ERGIC1: variants seen among roughly 807,000 people sequenced by gnomAD.
ERGIC1 encodes the protein endoplasmic reticulum-golgi intermediate compartment 1, also known as endoplasmic reticulum-Golgi intermediate compartment protein 1.
ERGIC1 carries 19 observed loss-of-function variants against 38.3 expected under a neutral mutation model. The observed-to-expected ratio is 0.50, with a 90% confidence interval of 0.35 to 0.73. The LOEUF is 0.73. ERGIC1 is among the 30% of genes least tolerant of loss of function. The pLI is 0.01. For synonymous variants in ERGIC1, 124 were observed against 157.6 expected (o/e 0.79, Z 1.60); for missense variants, 294 against 389.2 (o/e 0.76, Z 2.06).
intron 2 of ERGIC1, among the ~76,000 whole-genome samples, chr5:172,892,859 G>A (rs895613288): frequency 5.3e-5 from 8 of 152,198 alleles, no homozygotes; most frequent in Admixed American, 5.2e-4. Flanking sequence ...TGGGGTAAGG[G>A]TAACACACGC....
intron 1 of ERGIC1, among the ~76,000 whole-genome samples, chr5:172,854,030 G>A (rs775591818): frequency 7.9e-5 from 12 of 152,184 alleles, no homozygotes; most frequent in Non-Finnish European, 4.4e-5. Context: ...CATCTCCTTC[G>A]AAGTGGGAGT....
intron 9 of ERGIC1, among the ~76,000 whole-genome samples, chr5:172,940,240 T>C (rs973418782): frequency 6.6e-5 from 10 of 152,190 alleles, no homozygotes; most frequent in African/African-American, 1.7e-4. Flanking sequence ...TGTTTATCCC[T>C]AGCCTACAAC....
chr5:172,843,739 G>C (rs1268961964), intron 1 of ERGIC1, among the ~76,000 whole-genome samples: 1 of 152,220 alleles, frequency 6.6e-6, no homozygotes, highest in Non-Finnish European at 1.5e-5. Flanking sequence ...CCTTGGAACT[G>C]ACCCTCACAT....
intron 1 of ERGIC1, among the ~76,000 whole-genome samples, chr5:172,856,984 G>T (rs902689494): frequency 3.3e-5 from 5 of 152,202 alleles, no homozygotes; most frequent in African/African-American, 1.2e-4. Flanking sequence ...CAAGGGTTGG[G>T]GCCCCTGGAA....
intron 1 of ERGIC1, among the ~76,000 whole-genome samples, chr5:172,853,311 G>A (rs1761459080): frequency 6.6e-6 from 1 of 152,166 alleles, no homozygotes; most frequent in South Asian, 2.1e-4. Flanking sequence ...CCCCCATCGT[G>A]CTGGGTGCTG....
intron 1 of ERGIC1, among the ~76,000 whole-genome samples, chr5:172,851,644 C>T (rs535238097): frequency 6.6e-6 from 1 of 152,140 alleles, no homozygotes; most frequent in Admixed American, 6.5e-5. Context: ...GATCAGGTTG[C>T]AGGCCTAGAC....
rs143069320 is a variant in ERGIC1 at position 172,836,446 on chromosome 5, T to C, written c.20+2013T>C. On this transcript the variant is annotated intron_variant, in intron 1 of 9. Transcript: ENST00000393784. Reference sequence around the variant, plus strand: ...GGCCCAGCTTAACTAGGAAATACTCTCAGGGCTTGGGCTCACTGCGGAATG... The same window carrying C: ...GGCCCAGCTTAACTAGGAAATACTCCCAGGGCTTGGGCTCACTGCGGAATG... Among the ~76,000 whole-genome samples, 1,151 of 152,256 alleles carry C rather than the reference T, an allele frequency of 7.6e-3. 11 individuals carry two copies. Among genetic ancestry groups the C allele is most frequent in the African/African-American group, 0.026 (1,064 of 41,542 alleles).
At chr5:172,897,974 G>A in intron 3 of ERGIC1, 1 of 413,238 alleles carries the variant, frequency 2.4e-6, no homozygotes, top group Non-Finnish European at 4.4e-6. Context: ...AATGCCATTA[G>A]GATTATGCAG....
In ERGIC1 at chr5:172,926,580, C is replaced by T. The variant is rs1237217515; in HGVS notation, c.541+11C>T. ...GACTCACCTCCAACCGTATGTATCCCTGCTGGGAACAGCCTTCTGCTCCAA... is the reference window on the plus strand; with the variant it reads ...GACTCACCTCCAACCGTATGTATCCTTGCTGGGAACAGCCTTCTGCTCCAA... On this transcript the variant is annotated intron_variant, in intron 7 of 9. Transcript: ENST00000393784. The surrounding 1 kb of genome is among the most constrained non-coding windows in gnomAD (Gnocchi z 5.2). The T allele has an allele frequency of 6.2e-7, 1 of 1,611,490 alleles. No individual in the cohort carries two copies. The highest frequency in any genetic ancestry group is 1.7e-5 in the Admixed American group (1 of 60,024).
intron 1 of ERGIC1, among the ~76,000 whole-genome samples, chr5:172,850,208 T>A (rs1761368885): frequency 1.3e-5 from 2 of 152,194 alleles, no homozygotes; most frequent in South Asian, 4.1e-4. Flanking sequence ...GCTGCAAAAC[T>A]GGGTCACACT....
intron 3 of ERGIC1, chr5:172,906,147 T>C (rs1043329768): frequency 3.5e-5 from 16 of 456,236 alleles, no homozygotes; most frequent in Admixed American, 1.4e-4. Context: ...TGGCCTCTGA[T>C]TGGGGCCAAC....
intron 5 of ERGIC1, among the ~76,000 whole-genome samples, chr5:172,921,864 T>G (rs1424811126): frequency 6.6e-6 from 1 of 152,226 alleles, no homozygotes; most frequent in Non-Finnish European, 1.5e-5. Flanking sequence ...TCCTGAGTAA[T>G]GCAGACTCAT....
chr5:172,921,471 C>T (rs1763518483), intron 5 of ERGIC1: 1 of 152,208 alleles, frequency 6.6e-6, no homozygotes, highest in Non-Finnish European at 1.5e-5. Flanking sequence ...CAAGCTCGGG[C>T]CCTGCTGAAG....
chr5:172,844,733 T>A (rs900757063), intron 1 of ERGIC1, among the ~76,000 whole-genome samples: 2 of 152,182 alleles, frequency 1.3e-5, no homozygotes, highest in Non-Finnish European at 2.9e-5. Context: ...GGGGCTCCCC[T>A]CCTCTGATGG....
chr5:172,840,995 G>A (rs1761145824), intron 1 of ERGIC1, among the ~76,000 whole-genome samples: 1 of 152,208 alleles, frequency 6.6e-6, no homozygotes, highest in South Asian at 2.1e-4. Flanking sequence ...ATTTGGTTCA[G>A]CCCAACATTT....
chr5:172,864,156 C>T (rs1761791340), intron 1 of ERGIC1, among the ~76,000 whole-genome samples: 1 of 151,962 alleles, frequency 6.6e-6, no homozygotes, highest in Admixed American at 6.6e-5. Context: ...GAGATCACGC[C>T]ACTGCACTCT....
At chr5:172,918,144 T>C (rs1763417798) in intron 5 of ERGIC1, 1 of 152,060 alleles carries the variant, frequency 6.6e-6, no homozygotes, top group African/African-American at 2.4e-5. Flanking sequence ...GGTGACAGAG[T>C]GAAACCCTTA....
At chr5:172,950,038 A>G (rs1462931595) in intron 9 of ERGIC1, among the ~76,000 whole-genome samples, 1 of 152,072 alleles carries the variant, frequency 6.6e-6, no homozygotes, top group Non-Finnish European at 1.5e-5. Flanking sequence ...ACGCCACTGC[A>G]CTCCAGCCTG....
At chr5:172,878,397 G>A (rs1194128863) in intron 1 of ERGIC1, among the ~76,000 whole-genome samples, 5 of 152,138 alleles carry the variant, frequency 3.3e-5, no homozygotes, top group Non-Finnish European at 5.9e-5. Context: ...GCCAGACTGT[G>A]CCAGTTCAAG....
Sources: allele counts gnomAD v4.1 joint callset (sites outside exome capture counted in the v4.1 genomes callset), GRCh38; gene constraint gnomAD v4.1.1; non-coding constraint Gnocchi (gnomAD v3.1); transcripts MANE v1.5; gene names NCBI Gene and HGNC (gene_info 2026-07-23, HGNC 2026-07-21).